The following PARD3B variants were observed in gnomAD, a reference collection of about 807,000 sequenced individuals.
PARD3B encodes partitioning defective 3 homolog B.
Under a neutral mutation model 130.2 loss-of-function variants are expected in PARD3B, and 103 were observed. The observed-to-expected ratio is 0.79, with a 90% CI of 0.67 to 0.93. The LOEUF is 0.93. Among genes scored for constraint, PARD3B ranks in the 40% least tolerant of loss-of-function variants. The pLI, the probability that PARD3B is intolerant of heterozygous loss-of-function variation, is 0.00. For missense variants in PARD3B, 1,609 were observed against 1,499.2 expected (o/e 1.07, Z -1.21); for synonymous variants, 583 against 553.2 (o/e 1.05, Z -0.76).
intron 2 of PARD3B, among the ~76,000 whole-genome samples, chr2:204,856,669 G>A (rs904361531): frequency 9.9e-5 from 15 of 152,148 alleles, no homozygotes; most frequent in Admixed American, 9.2e-4. Flanking sequence ...ATAGTTTCAA[G>A]TTTTATGTTA....
intron 18 of PARD3B, among the ~76,000 whole-genome samples, chr2:205,329,643 A>G (rs574845790): frequency 6.6e-6 from 1 of 152,188 alleles, no homozygotes; most frequent in Non-Finnish European, 1.5e-5. Flanking sequence ...AGAAGGAATT[A>G]AGGGCCCTCC....
At chr2:205,476,563 A>G (rs966704382) in intron 20 of PARD3B, among the ~76,000 whole-genome samples, 1 of 152,122 alleles carries the variant, frequency 6.6e-6, no homozygotes, top group Non-Finnish European at 1.5e-5. Context: ...TATGCATAGC[A>G]TGATTATTCC....
intron 20 of PARD3B, among the ~76,000 whole-genome samples, chr2:205,499,668 C>G (rs1360476055): frequency 2.6e-5 from 4 of 152,180 alleles, no homozygotes; most frequent in Non-Finnish European, 5.9e-5. Flanking sequence ...ATTCAAAAGG[C>G]ATTTATTCAT....
chr2:204,965,201 C>A lies in PARD3B; in HGVS notation c.272C>A (p.Pro91His). 1.9e-6 allele frequency: 3 copies of A among 1,613,856 alleles called. No individual in the cohort carries two copies. Among genetic ancestry groups the A allele is most frequent in the Non-Finnish European group, 2.5e-6 (3 of 1,179,878 alleles). Reference sequence around the variant, plus strand: ...GAACCACTCCACAAGATTGAGAGCCCCAGTGGAAACCCTGCAGATCGGCAG... The same window carrying A: ...GAACCACTCCACAAGATTGAGAGCCACAGTGGAAACCCTGCAGATCGGCAG... ...EQEPLHKIESPSGNPADRQSP... is the reference protein window; with the variant it reads ...EQEPLHKIESHSGNPADRQSP... The change falls in exon 3 of 23, where the codon CCC (proline) becomes CAC (histidine). Residue 91 changes from proline to histidine, a missense_variant. By Grantham distance (77) the Pro-to-His change is moderately conservative. Coordinates refer to ENST00000406610, the MANE Select transcript of PARD3B (RefSeq NM_001302769.2).
intron 2 of PARD3B, among the ~76,000 whole-genome samples, chr2:204,856,959 T>A (rs2044971260): frequency 6.6e-6 from 1 of 152,108 alleles, no homozygotes; most frequent in Non-Finnish European, 1.5e-5. Context: ...TTTAGATCAG[T>A]GTGTAATGCC....
chr2:205,075,050 T>G (rs919303452), intron 4 of PARD3B, among the ~76,000 whole-genome samples: 2 of 152,204 alleles, frequency 1.3e-5, no homozygotes, highest in Non-Finnish European at 2.9e-5. Context: ...TAAATCAAAC[T>G]CATTAATAAA....
At chr2:205,062,104 G>A (rs1575676722) in intron 4 of PARD3B, among the ~76,000 whole-genome samples, 1 of 151,864 alleles carries the variant, frequency 6.6e-6, no homozygotes, top group African/African-American at 2.4e-5. Flanking sequence ...TTTACAGGGT[G>A]GATATCTTCT....
chr2:204,893,402 G>C (rs1176245148), intron 2 of PARD3B, among the ~76,000 whole-genome samples: 2 of 152,122 alleles, frequency 1.3e-5, no homozygotes, highest in Non-Finnish European at 2.9e-5. Context: ...TATAGAGTCA[G>C]ATGAGGGATT....
Position 205,372,863 on chromosome 2 carries a change from C to T in PARD3B, c.2631-28150C>T, listed in dbSNP as rs561248532. 2.0e-5 allele frequency among the ~76,000 whole-genome samples: 3 copies of T among 152,240 alleles called. No homozygotes were observed. In the South Asian group the frequency reaches 6.2e-4, roughly 32 times the overall value. The stretch of plus-strand genomic sequence containing the variant: ...GCATAGTGCCATGAGCCTGTAAGCC[C>T]AGCTACTCGGGAGGCTGAGGTGGGA... On this transcript the variant is annotated intron_variant, in intron 18 of 22. Coordinates refer to ENST00000406610, the MANE Select transcript of PARD3B (RefSeq NM_001302769.2).
intron 1 of PARD3B, among the ~76,000 whole-genome samples, chr2:204,643,119 A>AAAAAAAAAAAAAAAAAAAAAAAAAC (rs2035147383): frequency 7.1e-6 from 1 of 139,906 alleles, no homozygotes; most frequent in East Asian, 2.1e-4. Flanking sequence ...GTCTCACAAA[A>AAAAAAAAAAAAAAAAAAAAAAAAAC]AAAAAAAAAA....
intron 1 of PARD3B, among the ~76,000 whole-genome samples, chr2:204,594,487 G>A (rs1181790686): frequency 6.6e-6 from 1 of 152,154 alleles, no homozygotes; most frequent in African/African-American, 2.4e-5. Flanking sequence ...TATCTTAACA[G>A]GTGGGCAAGC....
Position 205,339,675 on chromosome 2 carries a change from C to T in PARD3B, c.2630+37974C>T, listed in dbSNP as rs139123030. Among the ~76,000 whole-genome samples the T allele has an allele frequency of 3.4e-3, 518 of 152,262 alleles. 2 individuals are homozygous for T. Among genetic ancestry groups the T allele is most frequent in the Middle Eastern group, 6.8e-3 (2 of 294 alleles). ...AGTAAGCATAGATGGAGTTCATAAT[C>T]ACATGGCATCCAGAGAGAGATAATT... is the stretch of plus-strand genomic sequence containing the variant. On this transcript the variant is annotated intron_variant, in intron 18 of 22. Transcript: ENST00000406610.
At chr2:204,714,856 AAT>A (rs2038644601) in intron 2 of PARD3B, among the ~76,000 whole-genome samples, 1 of 152,204 alleles carries the variant, frequency 6.6e-6, no homozygotes, top group Non-Finnish European at 1.5e-5. Flanking sequence ...CCAATTTGAC[AAT>A]ATGTTATAGT....
intron 2 of PARD3B, among the ~76,000 whole-genome samples, chr2:204,894,565 G>T (rs2125694883): frequency 6.6e-6 from 1 of 151,878 alleles, no homozygotes; most frequent in East Asian, 1.9e-4. Flanking sequence ...TCTCTGAAAT[G>T]GAGCTTATTA....
At chr2:204,769,587 C>A (rs1316614737) in intron 2 of PARD3B, among the ~76,000 whole-genome samples, 8 of 49,910 alleles carry the variant, frequency 1.6e-4, no homozygotes. Flanking sequence ...GTAGCAGTTC[C>A]TCCTTGTACC....
intron 22 of PARD3B, among the ~76,000 whole-genome samples, chr2:205,604,366 AAG>A (rs202094490): frequency 0.011 from 1,616 of 152,306 alleles, 28 homozygotes; most frequent in African/African-American, 0.037. Flanking sequence ...GCAGCAGGCA[AAG>A]AGAGAGAGCT....
At chr2:205,175,906 A>G (rs987232178) in intron 12 of PARD3B, among the ~76,000 whole-genome samples, 46 of 150,888 alleles carry the variant, frequency 3.0e-4, no homozygotes, top group South Asian at 6.3e-4. Flanking sequence ...TAGGGGGGGA[A>G]CCCTCAGGAG....
At chr2:205,228,680 T>G (rs1455724735) in intron 15 of PARD3B, among the ~76,000 whole-genome samples, 2 of 152,214 alleles carry the variant, frequency 1.3e-5, no homozygotes, top group Non-Finnish European at 2.9e-5. Context: ...ATTTACCCTT[T>G]GGGTAAATCC....
intron 20 of PARD3B, among the ~76,000 whole-genome samples, chr2:205,443,818 A>G (rs936838997): frequency 2.0e-5 from 3 of 152,082 alleles, no homozygotes; most frequent in Non-Finnish European, 2.9e-5. Context: ...GCTGCTACTT[A>G]TTGATTGGTA....
Sources: gnomAD v4.1 joint callset for allele counts (sites outside exome capture counted in the v4.1 genomes callset) on GRCh38, gnomAD v4.1.1 for gene constraint, MANE v1.5 for transcripts, NCBI Gene and HGNC (gene_info 2026-07-23, HGNC 2026-07-21) for gene names.